RBM38: variants seen among roughly 807,000 people sequenced by gnomAD.
The protein encoded by RBM38 is RNA-binding protein 38.
In RBM38, 11 loss-of-function variants were observed where a neutral mutation model predicts 23.5. The ratio of observed to expected loss-of-function variants is 0.47; its 90% CI spans 0.29 to 0.77. The LOEUF (loss-of-function observed/expected upper bound fraction) is 0.77. Among genes scored for constraint, RBM38 ranks in the 30% least tolerant of loss-of-function variants. The pLI is 0.08. For missense variants in RBM38, 330 were observed against 351.9 expected, an observed-to-expected ratio of 0.94 and a Z score of 0.50; for synonymous variants, 165 against 166.1, an observed-to-expected ratio of 0.99 and a Z score of 0.05.
intron 3 of RBM38, among the ~76,000 whole-genome samples, chr20:57,393,915 C>G (rs2067246788): frequency 6.6e-6 from 1 of 152,096 alleles, no homozygotes; most frequent in South Asian, 2.1e-4. Flanking sequence ...GCCCACTCTT[C>G]TCCATCCTAA....
intron 3 of RBM38, among the ~76,000 whole-genome samples, chr20:57,399,255 C>T (rs529535653): frequency 6.6e-5 from 10 of 152,302 alleles, no homozygotes; most frequent in African/African-American, 1.4e-4. Context: ...ACCACGCAGG[C>T]TCCGAGCGGA....
At chr20:57,398,071 G>T (rs2067292495) in intron 3 of RBM38, among the ~76,000 whole-genome samples, 1 of 152,226 alleles carries the variant, frequency 6.6e-6, no homozygotes, top group African/African-American at 2.4e-5. Context: ...ATAGCAGTGT[G>T]CCTGGGTTAG....
At chr20:57,403,342 AG>A (rs2067348477) in intron 3 of RBM38, among the ~76,000 whole-genome samples, 1 of 152,246 alleles carries the variant, frequency 6.6e-6, no homozygotes, top group Non-Finnish European at 1.5e-5. Flanking sequence ...GAGGGAGAGA[AG>A]CTGCTGGAAC....
intron 1 of RBM38, among the ~76,000 whole-genome samples, chr20:57,392,030 A>AGG (rs1195783029): frequency 3.7e-4 from 4 of 10,836 alleles, no homozygotes; most frequent in African/African-American, 5.1e-4. Flanking sequence ...CCCCACCCCC[A>AGG]CCCCCACCCC....
At chr20:57,404,950 G>A (rs1019164380) in intron 3 of RBM38, among the ~76,000 whole-genome samples, 3 of 152,218 alleles carry the variant, frequency 2.0e-5, no homozygotes, top group African/African-American at 7.2e-5. Flanking sequence ...AGCAGACCCG[G>A]CCGCCCCCAT....
At position 57,407,922 on chromosome 20, in the gene RBM38, CGA is replaced by C. The variant is rs2067405002; in HGVS notation, c.*77_*78del. On this transcript the variant is annotated 3_prime_UTR_variant, in exon 4 of 4. Transcript: ENST00000356208. This position sits in a 1 kb window ranked among gnomAD's most constrained non-coding sequence, Gnocchi z 4.0. ...GAGCTGCCAGGCCATGATGGGCTGGCGACAGCCCGGCTGAGCTTCAGTGAGGT... is the reference window on the plus strand; with the variant it reads ...GAGCTGCCAGGCCATGATGGGCTGGCCAGCCCGGCTGAGCTTCAGTGAGGT... 1 of 1,475,908 alleles carries C rather than the reference CGA, an allele frequency of 6.8e-7. No homozygotes were observed. Among genetic ancestry groups the C allele is most frequent in the Non-Finnish European group, 9.0e-7 (1 of 1,110,308 alleles). The allele number at this position is 1,475,908 out of a possible 1,614,324, so 91.4% of individuals were successfully genotyped here. A position where few individuals can be genotyped will look rare whatever the true frequency, so the allele number is the denominator to read the frequency against.
Position 57,407,930 on chromosome 20 carries a change from C to CATCAT in RBM38, c.*84_*85insATCAT. ...AGGCCATGATGGGCTGGCGACAGCC[C>CATCAT]GGCTGAGCTTCAGTGAGGTGCCACC... On this transcript the variant is annotated 3_prime_UTR_variant, in exon 4 of 4. Transcript: ENST00000356208. The surrounding 1 kb of genome is among the most constrained non-coding windows in gnomAD (Gnocchi z 4.0). The CATCAT allele has an allele frequency of 1.4e-6, 2 of 1,462,940 alleles. No individual in the cohort carries two copies. The highest frequency in any genetic ancestry group is 9.1e-7 in the Non-Finnish European group (1 of 1,101,220). The allele number at this position is 1,462,940 out of a possible 1,614,324, so 90.6% of individuals were successfully genotyped here.
intron 3 of RBM38, among the ~76,000 whole-genome samples, chr20:57,403,867 G>T (rs1460780609): frequency 6.6e-6 from 1 of 152,182 alleles, no homozygotes; most frequent in Non-Finnish European, 1.5e-5. Flanking sequence ...TGATCTGCCC[G>T]CCCCAGCCTT....
At chr20:57,402,780 C>A (rs1372674750) in intron 3 of RBM38, among the ~76,000 whole-genome samples, 3 of 152,260 alleles carry the variant, frequency 2.0e-5, no homozygotes, top group African/African-American at 7.2e-5. Context: ...TTCTTTCTCA[C>A]CTGACCACTC....
At chr20:57,402,126 T>C (rs1335911453) in intron 3 of RBM38, among the ~76,000 whole-genome samples, 2 of 152,020 alleles carry the variant, frequency 1.3e-5, no homozygotes. Context: ...TTTGTATTTT[T>C]AGTAGAGATG....
At chr20:57,397,294 T>G (rs1197341360) in intron 3 of RBM38, among the ~76,000 whole-genome samples, 1 of 152,232 alleles carries the variant, frequency 6.6e-6, no homozygotes, top group Non-Finnish European at 1.5e-5. Flanking sequence ...TTAGAGCAAC[T>G]GAGAGACTTG....
chr20:57,408,060 C>T lies in RBM38; in HGVS notation c.*214C>T. 1.6e-6 allele frequency: 1 copy of T among 622,766 alleles called. No homozygotes were observed. Among genetic ancestry groups the T allele is most frequent in the Middle Eastern group, 4.4e-4 (1 of 2,296 alleles). 38.6% of individuals were successfully genotyped at this position (622,766 alleles called of 1,614,324 possible). A position where few individuals can be genotyped will look rare whatever the true frequency, so the allele number is the denominator to read the frequency against. ...GGTCCCATTGTGTCTTGAGGGAGGA[C>T]TTTAAGAATGACTGAGAACTATTTA... On this transcript the variant is annotated 3_prime_UTR_variant, in exon 4 of 4. Transcript: ENST00000356208.
intron 3 of RBM38, among the ~76,000 whole-genome samples, chr20:57,402,402 G>C (rs2067337625): frequency 6.6e-6 from 1 of 152,218 alleles, no homozygotes; most frequent in Non-Finnish European, 1.5e-5. Context: ...GCTCCCTGTT[G>C]GATGGTGTGG....
At chr20:57,392,890 C>T in intron 2 of RBM38, 113 bp downstream of exon 2, 1 of 1,412,152 alleles carries the variant, frequency 7.1e-7, no homozygotes, top group South Asian at 1.3e-5. Flanking sequence ...AGTCGGCTAT[C>T]ATGTGCCTGC....
chr20:57,395,508 T>C lies in RBM38; in HGVS notation c.416+2175T>C, dbSNP rs373352745. ...GCTGGCCATTTAATACTTGTGACGA[T>C]GAAGAGGCCGCAGACTCTATTTGTT... On this transcript the variant is annotated intron_variant, in intron 3 of 3. Coordinates refer to ENST00000356208, the MANE Select transcript of RBM38 (RefSeq NM_017495.6). Among the ~76,000 whole-genome samples, 16 of 152,242 alleles carry C rather than the reference T, an allele frequency of 1.1e-4. No homozygotes were observed. In the South Asian group the frequency reaches 3.3e-3, roughly 32 times the overall value.
In RBM38 at chr20:57,408,373, T is replaced by A. The variant is rs1741024342; in HGVS notation, c.*527T>A. 1.3e-5 allele frequency: 2 copies of A among 157,602 alleles called. No homozygotes were observed. Among genetic ancestry groups the A allele is most frequent in the South Asian group, 3.7e-4 (2 of 5,364 alleles). 9.8% of individuals were successfully genotyped at this position (157,602 alleles called of 1,614,324 possible). A position where few individuals can be genotyped will look rare whatever the true frequency, so the allele number is the denominator to read the frequency against. ...GGCCTCCTGTTGGAGTCCCATTTTCTCCATCAGGGCACGTGGGCGGCTTCC... is the reference window on the plus strand; with the variant it reads ...GGCCTCCTGTTGGAGTCCCATTTTCACCATCAGGGCACGTGGGCGGCTTCC... On this transcript the variant is annotated 3_prime_UTR_variant, in exon 4 of 4. Coordinates refer to ENST00000356208, the MANE Select transcript of RBM38 (RefSeq NM_017495.6).
chr20:57,402,489 G>A (rs775236698), intron 3 of RBM38, among the ~76,000 whole-genome samples: 2 of 152,238 alleles, frequency 1.3e-5, no homozygotes, highest in Non-Finnish European at 2.9e-5. Context: ...GGTGGAGAGT[G>A]CAGGAGAGTC....
intron 1 of RBM38, 109 bp downstream of exon 1, chr20:57,391,927 C>T: frequency 2.5e-6 from 2 of 786,812 alleles, no homozygotes; most frequent in Non-Finnish European, 3.4e-6. Flanking sequence ...CCGCCCCCGC[C>T]CCAGGCGCCT....
At chr20:57,402,731 G>T (rs1033042347) in intron 3 of RBM38, among the ~76,000 whole-genome samples, 1 of 152,250 alleles carries the variant, frequency 6.6e-6, no homozygotes, top group Non-Finnish European at 1.5e-5. Flanking sequence ...GGGCGGGGCC[G>T]CCCTTGGACA....
Sources: allele counts gnomAD v4.1 joint callset (sites outside exome capture counted in the v4.1 genomes callset), GRCh38; gene constraint gnomAD v4.1.1; non-coding constraint Gnocchi (gnomAD v3.1); transcripts MANE v1.5; gene names NCBI Gene and HGNC (gene_info 2026-07-23, HGNC 2026-07-21).